Variants in KCNC2 observed in about 807,000 individuals in gnomAD.
KCNC2 encodes the protein potassium voltage-gated channel subfamily C member 2.
In KCNC2, 21 loss-of-function variants were observed where a neutral mutation model predicts 44.5. The ratio of observed to expected loss-of-function variants is 0.47; its 90% confidence interval spans 0.33 to 0.68. The LOEUF (loss-of-function observed/expected upper bound fraction) is 0.68, where lower values mean the gene tolerates loss of function less well. Among genes scored for constraint, KCNC2 ranks in the 30% least tolerant of loss-of-function variants. The pLI is 0.01. For synonymous variants in KCNC2, 391 were observed against 339.1 expected (o/e 1.15, Z -1.68); for missense variants, 589 against 826.2 (o/e 0.71, Z 3.52).
chr12:75,187,451 T>A (rs1290835568), intron 2 of KCNC2, among the ~76,000 whole-genome samples: 1 of 152,246 alleles, frequency 6.6e-6, no homozygotes. Context: ...TGCTCTTTTG[T>A]TCCAACCTTT....
chr12:75,183,706 G>C (rs1368726563), intron 2 of KCNC2, among the ~76,000 whole-genome samples: 2 of 152,006 alleles, frequency 1.3e-5, no homozygotes, highest in East Asian at 1.9e-4. Flanking sequence ...TAAAAATATG[G>C]AGCAAGTTTC....
chr12:75,048,240 T>C lies in KCNC2; in HGVS notation c.1693A>G (p.Thr565Ala). ...TCCCCTCTTCTGTTTTTGTCTCTGG[T>C]ACTAGAGCGTCTGATGGGGAGCCTT... is the stretch of plus-strand genomic sequence containing the variant. ...PERLPIRRSS[T>A]RDKNRRGETC... The change falls in exon 4 of 5, where the codon ACC becomes GCC. Residue 565 changes from threonine (T) to alanine (A), a missense_variant. Thr to Ala is a moderately conservative substitution (Grantham distance 58). Around this residue, in one of 7 missense-constraint regions of KCNC2, gnomAD observed 171 missense variants for 182.4 expected, o/e 0.94. Coordinates refer to ENST00000549446, the MANE Select transcript of KCNC2 (RefSeq NM_139137.4). The C allele has an allele frequency of 1.2e-6, 2 of 1,613,152 alleles. No homozygotes were observed. The highest frequency in any genetic ancestry group is 1.7e-6 in the Non-Finnish European group (2 of 1,179,386).
chr12:75,063,935 T>C (rs537613549), intron 2 of KCNC2, among the ~76,000 whole-genome samples: 6 of 152,258 alleles, frequency 3.9e-5, no homozygotes, highest in Non-Finnish European at 7.4e-5. Context: ...ATTATTATTT[T>C]TCTCAACAAA....
At chr12:75,158,513 G>A (rs894100239) in intron 2 of KCNC2, among the ~76,000 whole-genome samples, 1 of 151,800 alleles carries the variant, frequency 6.6e-6, no homozygotes, top group African/African-American at 2.4e-5. Context: ...TGTAATTTTG[G>A]TTTTTCCTAC....
chr12:75,102,842 C>A (rs1206149585), intron 2 of KCNC2, among the ~76,000 whole-genome samples: 1 of 151,856 alleles, frequency 6.6e-6, no homozygotes, highest in Non-Finnish European at 1.5e-5. Flanking sequence ...AATAATAGAG[C>A]TTTTAACAGG....
At chr12:75,148,627 A>AT (rs1385393480) in intron 2 of KCNC2, among the ~76,000 whole-genome samples, 1 of 151,964 alleles carries the variant, frequency 6.6e-6, no homozygotes, top group Non-Finnish European at 1.5e-5. Flanking sequence ...TTCATGTTAT[A>AT]TTTTTTAGGT....
At chr12:75,168,596 C>T (rs1459496617) in intron 2 of KCNC2, among the ~76,000 whole-genome samples, 2 of 151,504 alleles carry the variant, frequency 1.3e-5, no homozygotes, top group African/African-American at 2.4e-5. Flanking sequence ...TTTTGAGAAC[C>T]ACAAATGGTG....
rs187447879 is a variant in KCNC2, at chr12:75,160,996, A to T, written c.687+46301T>A. ...CTTAAAGAGAAACTACAATAAAAAT[A>T]AACCAGAACAGAATGTTGTATTTGC... is the stretch of plus-strand genomic sequence containing the variant. On this transcript the variant is annotated intron_variant, in intron 2 of 4. Coordinates refer to ENST00000549446, the MANE Select transcript of KCNC2 (RefSeq NM_139137.4). Among the ~76,000 whole-genome samples the T allele has an allele frequency of 1.2e-4, 18 of 151,922 alleles. 1 individual carries two copies. The highest frequency in any genetic ancestry group is 9.9e-4 in the Admixed American group (15 of 15,210).
intron 2 of KCNC2, among the ~76,000 whole-genome samples, chr12:75,090,571 C>G (rs1329543571): frequency 1.3e-5 from 2 of 151,670 alleles, no homozygotes; most frequent in Admixed American, 1.3e-4. Flanking sequence ...TGACCCCTTA[C>G]AAGCCTAGGT....
At chr12:75,073,579 A>T (rs1243572667) in intron 2 of KCNC2, among the ~76,000 whole-genome samples, 2 of 152,234 alleles carry the variant, frequency 1.3e-5, no homozygotes, top group East Asian at 3.8e-4. Context: ...CTTGCTTAAA[A>T]TATTCTGCAC....
intron 2 of KCNC2, chr12:75,140,027 A>G (rs913182443): frequency 6.6e-6 from 1 of 152,170 alleles, no homozygotes; most frequent in African/African-American, 2.4e-5. Context: ...TAAGAATCAT[A>G]TATTAACTAG....
At chr12:75,088,308 G>A (rs527390236) in intron 2 of KCNC2, among the ~76,000 whole-genome samples, 3 of 152,080 alleles carry the variant, frequency 2.0e-5, no homozygotes, top group South Asian at 2.1e-4. Context: ...CCATAAACAT[G>A]TGATAATTTA....
intron 2 of KCNC2, among the ~76,000 whole-genome samples, chr12:75,064,917 G>A (rs1476289030): frequency 3.9e-5 from 6 of 151,946 alleles, no homozygotes; most frequent in Non-Finnish European, 8.8e-5. Flanking sequence ...TGAAACTTTA[G>A]AGTGTACATA....
chr12:75,150,909 A>G (rs1305356647), intron 2 of KCNC2, among the ~76,000 whole-genome samples: 2 of 152,012 alleles, frequency 1.3e-5, no homozygotes, highest in Non-Finnish European at 2.9e-5. Context: ...AGTAAAATTT[A>G]GAGATAGATT....
chr12:75,199,159 C>T (rs2446327), intron 2 of KCNC2, among the ~76,000 whole-genome samples: 138,127 of 151,810 alleles, frequency 0.91, 63,069 homozygotes, highest in East Asian at 1. Context: ...GACTAAATTA[C>T]AGAAAAAACT....
chr12:75,164,266 T>C (rs1208443093), intron 2 of KCNC2, among the ~76,000 whole-genome samples: 1 of 151,672 alleles, frequency 6.6e-6, no homozygotes, highest in African/African-American at 2.4e-5. Flanking sequence ...GCTTTGCCCA[T>C]GTTCACTCTG....
chr12:75,142,804 G>T (rs911278949), intron 2 of KCNC2, among the ~76,000 whole-genome samples: 21 of 152,116 alleles, frequency 1.4e-4, no homozygotes, highest in Non-Finnish European at 2.6e-4. Flanking sequence ...TTAAAGCTAG[G>T]TTGTCTTTTA....
At chr12:75,154,586 A>G (rs1890630581) in intron 2 of KCNC2, among the ~76,000 whole-genome samples, 1 of 152,048 alleles carries the variant, frequency 6.6e-6, no homozygotes, top group Non-Finnish European at 1.5e-5. Context: ...CAGACTGACT[A>G]AATTCCCCAA....
At chr12:75,056,973 A>G (rs1422965987) in intron 2 of KCNC2, among the ~76,000 whole-genome samples, 1 of 152,034 alleles carries the variant, frequency 6.6e-6, no homozygotes, top group Non-Finnish European at 1.5e-5. Context: ...GCTGGGTGTA[A>G]GAGTGGCATT....
Sources: allele counts gnomAD v4.1 joint callset (sites outside exome capture counted in the v4.1 genomes callset), GRCh38; gene constraint gnomAD v4.1.1; regional missense constraint gnomAD v4.1.1; transcripts MANE v1.5; gene names NCBI Gene and HGNC (gene_info 2026-07-23, HGNC 2026-07-21).